The following CLVS1 variants were observed in gnomAD, a reference collection of about 807,000 sequenced individuals.
CLVS1 encodes clavesin 1, also known as clavesin-1.
A neutral mutation model predicts 33.1 loss-of-function variants in CLVS1; 10 were observed. That is an observed-to-expected ratio of 0.30 (90% confidence interval 0.19 to 0.51). The LOEUF is 0.51. Among genes scored for constraint, CLVS1 ranks in the 20% least tolerant of loss-of-function variants. CLVS1 has a pLI of 0.97. For missense variants in CLVS1, 343 were observed against 433.4 expected (o/e 0.79, Z 1.85); for synonymous variants, 163 against 166.1 (o/e 0.98, Z 0.14).
At chr8:61,263,318 TA>T (rs1361851707) in intron 2 of CLVS1, among the ~76,000 whole-genome samples, 1 of 152,254 alleles carries the variant, frequency 6.6e-6, no homozygotes, top group African/African-American at 2.4e-5. Context: ...ATAACACAAA[TA>T]TACAATTGTG....
At chr8:61,001,911 T>G in the CLVS1 span, among the ~76,000 whole-genome samples, 1 of 152,198 alleles carries the variant, frequency 6.6e-6, no homozygotes, top group Non-Finnish European at 1.5e-5. Context: ...TTCCTGACTC[T>G]CTCAATCTGT....
chr8:61,004,975 T>C, the CLVS1 span, among the ~76,000 whole-genome samples: 34,422 of 151,994 alleles, frequency 0.23, 4,918 homozygotes, highest in East Asian at 0.5. Context: ...AACAAAACCC[T>C]CCTTCTTACC....
chr8:61,078,912 G>T (rs1400280540), intron 1 of CLVS1, among the ~76,000 whole-genome samples: 1 of 152,086 alleles, frequency 6.6e-6, no homozygotes, highest in Non-Finnish European at 1.5e-5. Flanking sequence ...TGTTAAAATG[G>T]TTAGCTGAAA....
At chr8:61,126,297 C>T (rs551649790) in intron 1 of CLVS1, among the ~76,000 whole-genome samples, 1 of 152,310 alleles carries the variant, frequency 6.6e-6, no homozygotes, top group East Asian at 1.9e-4. Context: ...ATTGTGGGTG[C>T]CACTGCACTG....
At chr8:61,366,841 T>C (rs1813230895) in intron 2 of CLVS1, among the ~76,000 whole-genome samples, 1 of 152,158 alleles carries the variant, frequency 6.6e-6, no homozygotes, top group East Asian at 1.9e-4. Flanking sequence ...TTTTATCACA[T>C]TTGGTAGACA....
At chr8:61,244,330 G>T (rs1808764407) in intron 2 of CLVS1, among the ~76,000 whole-genome samples, 1 of 151,910 alleles carries the variant, frequency 6.6e-6, no homozygotes, top group Non-Finnish European at 1.5e-5. Context: ...TTTCTTAATT[G>T]CACTTTGGAC....
intron 2 of CLVS1, among the ~76,000 whole-genome samples, chr8:61,312,339 T>C (rs1162618043): frequency 6.6e-6 from 1 of 152,224 alleles, no homozygotes; most frequent in Non-Finnish European, 1.5e-5. Context: ...TTCGCTCCAG[T>C]TGTAAATCAA....
At chr8:61,261,806 T>C (rs1809207855) in intron 2 of CLVS1, among the ~76,000 whole-genome samples, 1 of 152,126 alleles carries the variant, frequency 6.6e-6, no homozygotes, top group African/African-American at 2.4e-5. Context: ...AATAAATCTG[T>C]ATTGTTGATA....
intron 2 of CLVS1, among the ~76,000 whole-genome samples, chr8:61,322,132 C>G (rs1811214112): frequency 6.6e-6 from 1 of 152,160 alleles, no homozygotes; most frequent in Non-Finnish European, 1.5e-5. Context: ...TAAACATCCC[C>G]TGGCACAGAG....
chr8:61,253,690 C>A (rs1187044760), intron 2 of CLVS1, among the ~76,000 whole-genome samples: 3 of 152,286 alleles, frequency 2.0e-5, no homozygotes, highest in South Asian at 4.1e-4. Flanking sequence ...ATCACTGATA[C>A]CCTTTCTTCC....
intron 2 of CLVS1, among the ~76,000 whole-genome samples, chr8:61,321,137 T>G (rs1255371595): frequency 6.6e-6 from 1 of 152,182 alleles, no homozygotes; most frequent in African/African-American, 2.4e-5. Context: ...GTTTGATGTG[T>G]TTTTCATTGT....
chr8:61,411,936 T>C (rs1815243432), intron 3 of CLVS1, among the ~76,000 whole-genome samples: 1 of 152,078 alleles, frequency 6.6e-6, no homozygotes, highest in Non-Finnish European at 1.5e-5. Context: ...TCCTATAACA[T>C]ACTGTGAGGG....
intron 3 of CLVS1, among the ~76,000 whole-genome samples, chr8:61,435,506 G>C (rs1816297917): frequency 6.6e-6 from 1 of 151,602 alleles, no homozygotes; most frequent in African/African-American, 2.4e-5. Flanking sequence ...CTATTACAAG[G>C]TAGGCAGTTA....
intron 3 of CLVS1, among the ~76,000 whole-genome samples, chr8:61,392,174 T>A (rs1021698158): frequency 1.3e-5 from 2 of 152,056 alleles, no homozygotes; most frequent in African/African-American, 4.8e-5. Flanking sequence ...ACACAAAAAA[T>A]TTTAAAAATT....
At position 61,114,425 on chromosome 8, in the gene CLVS1, G is replaced by A. The variant is rs972214545; in HGVS notation, c.-242-17345G>A. On this transcript the variant is annotated intron_variant, in intron 1 of 2. Transcript: ENST00000522621. ...CTAGTCTTCTAGACAAATGCTCTCA[G>A]GTAGTGACTTTAACAGAAACGATGT... 5.3e-5 allele frequency among the ~76,000 whole-genome samples: 8 copies of A among 152,170 alleles called. No individual in the cohort carries two copies. The South Asian group carries it at 1.7e-3, about 31-fold the overall frequency.
intron 5 of CLVS1, among the ~76,000 whole-genome samples, chr8:61,495,819 G>A (rs902638352): frequency 2.6e-5 from 4 of 152,162 alleles, no homozygotes; most frequent in African/African-American, 9.7e-5. Context: ...TTATTCTGAG[G>A]TCACACCAGG....
At chr8:61,153,532 T>C (rs978502618) in intron 2 of CLVS1, among the ~76,000 whole-genome samples, 1 of 152,192 alleles carries the variant, frequency 6.6e-6, no homozygotes, top group African/African-American at 2.4e-5. Flanking sequence ...GTTTTGTTTT[T>C]GGCATCTGGC....
intron 2 of CLVS1, among the ~76,000 whole-genome samples, chr8:61,244,272 T>G (rs922669497): frequency 1.3e-5 from 2 of 152,174 alleles, no homozygotes; most frequent in Non-Finnish European, 2.9e-5. Context: ...ATATATTTAT[T>G]AATTCCCAAA....
the CLVS1 span, among the ~76,000 whole-genome samples, chr8:61,022,166 C>T: frequency 3.9e-5 from 6 of 152,186 alleles, no homozygotes; most frequent in Non-Finnish European, 5.9e-5. Flanking sequence ...TAGACATGAC[C>T]GATTTCCCTG....
Sources: allele counts gnomAD v4.1 joint callset (sites outside exome capture counted in the v4.1 genomes callset), GRCh38; gene constraint gnomAD v4.1.1; transcripts MANE v1.5; gene names NCBI Gene and HGNC (gene_info 2026-07-23, HGNC 2026-07-21).